Variants in SLC14A2 observed in about 807,000 individuals in gnomAD.
The protein encoded by SLC14A2 is urea transporter 2.
A neutral mutation model predicts 104.6 loss-of-function variants in SLC14A2; 91 were observed. The ratio of observed to expected loss-of-function variants is 0.87; its 90% CI spans 0.73 to 1.04. SLC14A2 has a LOEUF of 1.04. Among genes scored for constraint, SLC14A2 ranks in the 50% least tolerant of loss-of-function variants. The pLI is 0.00. For synonymous variants in SLC14A2, 476 were observed against 466.4 expected (o/e 1.02, Z -0.27); for missense variants, 1,189 against 1,156.0 (o/e 1.03, Z -0.41).
intron 16 of SLC14A2, among the ~76,000 whole-genome samples, chr18:45,672,335 G>T (rs1214181990): frequency 6.6e-6 from 1 of 152,140 alleles, no homozygotes; most frequent in Non-Finnish European, 1.5e-5. Flanking sequence ...TTCAAGACCA[G>T]CCTGATCAAC....
At chr18:45,269,555 A>C (rs1303407876) in intron 1 of SLC14A2, among the ~76,000 whole-genome samples, 1 of 151,408 alleles carries the variant, frequency 6.6e-6, no homozygotes, top group African/African-American at 2.4e-5. Context: ...CATCAGTCAA[A>C]CTGCCTTTGA....
In SLC14A2 at chr18:45,250,169, A is replaced by C. The variant is rs543700241; in HGVS notation, c.-125+36978A>C. Among the ~76,000 whole-genome samples the C allele has an allele frequency of 3.9e-5, 6 of 152,318 alleles. No individual in the cohort carries two copies. The South Asian group carries it at 1.2e-3, about 32-fold the overall frequency. ...ACTGAAAATATGGTCACTTTAAAGAAACAAGTGACTAAAATCAACAAAAGG... is the reference window on the plus strand; with the variant it reads ...ACTGAAAATATGGTCACTTTAAAGACACAAGTGACTAAAATCAACAAAAGG... On this transcript the variant is annotated intron_variant, in intron 1 of 20. Transcript: ENST00000586448.
chr18:45,618,447 T>A (rs951204266), intron 1 of SLC14A2, among the ~76,000 whole-genome samples: 3 of 152,044 alleles, frequency 2.0e-5, no homozygotes, highest in African/African-American at 4.8e-5. Flanking sequence ...GGCCAGTGGA[T>A]TACCTGAGGT....
intron 1 of SLC14A2, among the ~76,000 whole-genome samples, chr18:45,367,431 A>G (rs1321155570): frequency 6.6e-6 from 1 of 152,228 alleles, no homozygotes; most frequent in Non-Finnish European, 1.5e-5. Context: ...AACAAGGAAA[A>G]GAAAAGAAAA....
At chr18:45,235,957 A>ATGTATATATACATATATGTG (rs2084229778) in intron 1 of SLC14A2, among the ~76,000 whole-genome samples, 1 of 96,126 alleles carries the variant, frequency 1.0e-5, no homozygotes, top group African/African-American at 5.1e-5. Context: ...GTGTGTATAT[A>ATGTATATATACATATATGTG]TGTATATATA....
At chr18:45,389,181 C>G (rs868256143) in intron 1 of SLC14A2, among the ~76,000 whole-genome samples, 1 of 152,184 alleles carries the variant, frequency 6.6e-6, no homozygotes, top group African/African-American at 2.4e-5. Flanking sequence ...TTCTGACCAG[C>G]TATTGGGCTG....
At chr18:45,292,744 A>G (rs899994479) in intron 1 of SLC14A2, among the ~76,000 whole-genome samples, 1 of 152,200 alleles carries the variant, frequency 6.6e-6, no homozygotes, top group African/African-American at 2.4e-5. Context: ...TGCCTGAACA[A>G]TTAGAAACCA....
chr18:45,388,134 G>A (rs144903019), intron 1 of SLC14A2, among the ~76,000 whole-genome samples: 2,177 of 133,240 alleles, frequency 0.016, 56 homozygotes, highest in African/African-American at 0.056. Flanking sequence ...GGAGTGCAGT[G>A]GCGAGATCTC....
chr18:45,549,568 AGTGCAG>A (rs1346362191), intron 2 of SLC14A2, among the ~76,000 whole-genome samples: 2 of 152,198 alleles, frequency 1.3e-5, no homozygotes, highest in Non-Finnish European at 2.9e-5. Context: ...GCCCCAGTGG[AGTGCAG>A]GTAATTTATT....
chr18:45,456,572 A>C (rs2086947339), intron 1 of SLC14A2, among the ~76,000 whole-genome samples: 1 of 152,206 alleles, frequency 6.6e-6, no homozygotes. Flanking sequence ...GATTGGGGCC[A>C]GCTCTAAGAG....
chr18:45,618,669 CAAAAAAAAAAAAAAAAAAA>C (rs60728655), intron 1 of SLC14A2, among the ~76,000 whole-genome samples: 1 of 50,692 alleles, frequency 2.0e-5, no homozygotes, highest in Non-Finnish European at 3.7e-5. Context: ...AACTCTGTCT[CAAAAAAAAAAAAAAAAAAA>C]AAAAAAAAAA....
In SLC14A2 at chr18:45,350,768, G is replaced by GAA. The variant is rs200341313; in HGVS notation, c.-124-132454_-124-132453dup. Among the ~76,000 whole-genome samples, 5 of 138,406 alleles carry GAA rather than the reference G, an allele frequency of 3.6e-5. No homozygotes were observed. In the South Asian group the frequency reaches 6.9e-4, roughly 19 times the overall value. 90.8% of individuals were successfully genotyped at this position (138,406 alleles called of 152,430 possible). ...TATCACAAGGAAAAGATTTATCCAGGAAAAAAAAAAAAGCTCCCTGAGACA... is the reference window on the plus strand; with the variant it reads ...TATCACAAGGAAAAGATTTATCCAGGAAAAAAAAAAAAAAGCTCCCTGAGACA... On this transcript the variant is annotated intron_variant, in intron 1 of 20. Coordinates refer to the SLC14A2 transcript ENST00000586448.
intron 16 of SLC14A2, 29 bp downstream of exon 16, chr18:45,669,527 G>T (rs1427768497): frequency 2.5e-6 from 4 of 1,581,798 alleles, no homozygotes; most frequent in Non-Finnish European, 3.5e-6. Context: ...GGAAGGGCAG[G>T]TCTGTCCACA....
chr18:45,521,702 A>T (rs2043519165), intron 2 of SLC14A2, among the ~76,000 whole-genome samples: 1 of 152,112 alleles, frequency 6.6e-6, no homozygotes, highest in South Asian at 2.1e-4. Flanking sequence ...TAAACCAGCA[A>T]GTCGCAAGAT....
In SLC14A2 at chr18:45,346,521, T is replaced by G. The variant is rs2144295615; in HGVS notation, c.-125+133330T>G. On this transcript the variant is annotated intron_variant, in intron 1 of 20. Transcript: ENST00000586448. ...AAAACAAATTCTGAATATTGATCCT[T>G]TGTTGTTATGAGATGTGAATATTTT... 1.3e-5 allele frequency among the ~76,000 whole-genome samples: 2 copies of G among 152,328 alleles called. 1 individual carries two copies. Among genetic ancestry groups the G allele is most frequent in the Middle Eastern group, 6.8e-3 (2 of 294 alleles).
intron 2 of SLC14A2, among the ~76,000 whole-genome samples, chr18:45,558,377 A>G (rs1462123212): frequency 6.6e-6 from 1 of 152,168 alleles, no homozygotes; most frequent in Non-Finnish European, 1.5e-5. Context: ...CACCCCAGCT[A>G]AATAGTAAGC....
chr18:45,180,253 G>A, the SLC14A2 span, among the ~76,000 whole-genome samples: 3 of 152,290 alleles, frequency 2.0e-5, no homozygotes, highest in East Asian at 5.8e-4. Flanking sequence ...CATGTGACTG[G>A]AGCAAGTTAT....
At chr18:45,343,425 C>A (rs2085417209) in intron 1 of SLC14A2, among the ~76,000 whole-genome samples, 1 of 152,040 alleles carries the variant, frequency 6.6e-6, no homozygotes, top group South Asian at 2.1e-4. Context: ...CAGTCTCTTT[C>A]TCTCCTCTCA....
intron 2 of SLC14A2, among the ~76,000 whole-genome samples, chr18:45,567,303 TAGAC>T (rs982260514): frequency 2.6e-4 from 40 of 152,008 alleles, no homozygotes; most frequent in African/African-American, 9.2e-4. Flanking sequence ...TAAGCTGAGA[TAGAC>T]AGAGACGCTG....
Sources: allele counts gnomAD v4.1 joint callset (sites outside exome capture counted in the v4.1 genomes callset), GRCh38; gene constraint gnomAD v4.1.1; transcripts MANE v1.5; gene names NCBI Gene and HGNC (gene_info 2026-07-23, HGNC 2026-07-21).